The following DPYD variants were observed in gnomAD, a reference collection of about 807,000 sequenced individuals.
DPYD encodes the protein dihydropyrimidine dehydrogenase, also known as dihydropyrimidine dehydrogenase [NADP(+)].
A neutral mutation model predicts 116.2 loss-of-function variants in DPYD; 109 were observed. That is an observed-to-expected ratio of 0.94 (90% CI 0.80 to 1.10). The LOEUF is 1.10. DPYD is among the 50% of genes least tolerant of loss of function. The probability of loss-of-function intolerance (pLI) is 0.00; values close to 1 mark genes in which losing one functional copy is unlikely to be tolerated. For synonymous variants in DPYD, 440 were observed against 432.0 expected (o/e 1.02, Z -0.23); for missense variants, 1,302 against 1,254.5 (o/e 1.04, Z -0.57).
chr1:97,544,027 T>C (rs959799929), intron 12 of DPYD, among the ~76,000 whole-genome samples: 1 of 152,152 alleles, frequency 6.6e-6, no homozygotes, highest in African/African-American at 2.4e-5. Context: ...CAAATCAGCA[T>C]CTCAAAGCTA....
chr1:97,279,308 C>G (rs1184502394), intron 18 of DPYD, among the ~76,000 whole-genome samples: 1 of 151,972 alleles, frequency 6.6e-6, no homozygotes, highest in Non-Finnish European at 1.5e-5. Flanking sequence ...AAAAAAAGAA[C>G]ATTCAACATG....
intron 18 of DPYD, among the ~76,000 whole-genome samples, chr1:97,242,050 A>G (rs1347404963): frequency 6.9e-6 from 1 of 145,852 alleles, no homozygotes; most frequent in Non-Finnish European, 1.5e-5. Flanking sequence ...AGTCTATGGT[A>G]GTAAATGTGT....
chr1:97,599,234 G>C lies in DPYD; in HGVS notation c.851-4068C>G, dbSNP rs141764106. Among the ~76,000 whole-genome samples, 607 of 152,208 alleles carry C rather than the reference G, an allele frequency of 4.0e-3. 4 individuals carry two copies. The highest frequency in any genetic ancestry group is 6.8e-3 in the Non-Finnish European group (465 of 67,996). On this transcript the variant is annotated intron_variant, in intron 8 of 22. Transcript: ENST00000370192. ...ATATCCTGGTTATTTTTCACTATTT[G>C]ATATTCTTTGAAATGTGTATCCTTG...
chr1:97,568,714 T>G (rs566112701), intron 11 of DPYD, among the ~76,000 whole-genome samples: 1 of 151,942 alleles, frequency 6.6e-6, no homozygotes, highest in Non-Finnish European at 1.5e-5. Flanking sequence ...CGAAGAAAAA[T>G]AAACCAAGCA....
intron 6 of DPYD, among the ~76,000 whole-genome samples, chr1:97,696,154 G>GA (rs111924138): frequency 0.096 from 13,863 of 144,768 alleles, 721 homozygotes; most frequent in Middle Eastern, 0.11. Flanking sequence ...AAAAAGAAAA[G>GA]AAAAAAAGAA....
rs1218005686 is a variant in DPYD, at chr1:97,882,055, T to G, written c.150+1209A>C. 2.6e-5 allele frequency among the ~76,000 whole-genome samples: 4 copies of G among 151,766 alleles called. No individual in the cohort carries two copies. In the South Asian group the frequency reaches 8.3e-4, roughly 31 times the overall value. ...AAACTATAATAAAAAAATTATATGA[T>G]TCTTTTTTCAGTGTTATTCAATTGC... On this transcript the variant is annotated intron_variant, in intron 2 of 22. Transcript: ENST00000370192.
chr1:97,449,743 C>A (rs1055696673), intron 14 of DPYD, among the ~76,000 whole-genome samples: 2 of 152,092 alleles, frequency 1.3e-5, no homozygotes, highest in African/African-American at 4.8e-5. Context: ...AAGGTCATCA[C>A]CTTCATAAAT....
chr1:97,695,260 A>AT (rs1661233411), intron 6 of DPYD, among the ~76,000 whole-genome samples: 1 of 151,720 alleles, frequency 6.6e-6, no homozygotes, highest in African/African-American at 2.4e-5. Context: ...TGTTTTAATC[A>AT]TTTTTTGTTT....
At chr1:97,410,783 GA>G (rs1235768898) in intron 14 of DPYD, among the ~76,000 whole-genome samples, 1 of 152,078 alleles carries the variant, frequency 6.6e-6, no homozygotes, top group East Asian at 1.9e-4. Context: ...CAAAATGCTA[GA>G]AAATTCACCA....
chr1:97,487,104 T>C (rs974857579), intron 13 of DPYD, among the ~76,000 whole-genome samples: 1 of 152,200 alleles, frequency 6.6e-6, no homozygotes, highest in Non-Finnish European at 1.5e-5. Context: ...TAAACATGGA[T>C]ATTTATTTAT....
chr1:97,478,254 C>T (rs1032752708), intron 13 of DPYD, among the ~76,000 whole-genome samples: 6 of 152,206 alleles, frequency 3.9e-5, no homozygotes, highest in African/African-American at 9.6e-5. Flanking sequence ...TTAAAGAGTA[C>T]AGGTAGAGTA....
At chr1:97,318,047 A>G (rs1667971899) in intron 16 of DPYD, among the ~76,000 whole-genome samples, 1 of 148,618 alleles carries the variant, frequency 6.7e-6, no homozygotes, top group South Asian at 2.2e-4. Flanking sequence ...TTTTGTCACC[A>G]CCAGGCCTGC....
chr1:97,899,891 G>A (rs1673276217), intron 1 of DPYD, among the ~76,000 whole-genome samples: 1 of 151,920 alleles, frequency 6.6e-6, no homozygotes, highest in South Asian at 2.1e-4. Flanking sequence ...AATTATACAT[G>A]GATAGGCCTT....
intron 16 of DPYD, among the ~76,000 whole-genome samples, chr1:97,354,402 G>A (rs144086261): frequency 1.1e-4 from 16 of 151,966 alleles, no homozygotes; most frequent in South Asian, 2.1e-4. Flanking sequence ...ATAGTAAAAC[G>A]CAAAATGCAA....
At chr1:97,264,374 T>G (rs1664093771) in intron 18 of DPYD, among the ~76,000 whole-genome samples, 1 of 151,620 alleles carries the variant, frequency 6.6e-6, no homozygotes, top group Non-Finnish European at 1.5e-5. Context: ...TTAGTAGAGA[T>G]GAGGTCTTGC....
At chr1:97,851,112 T>C (rs1670546520) in intron 2 of DPYD, among the ~76,000 whole-genome samples, 1 of 151,976 alleles carries the variant, frequency 6.6e-6, no homozygotes, top group Admixed American at 6.6e-5. Context: ...GGAGATATTA[T>C]TTGAAGAACA....
intron 2 of DPYD, among the ~76,000 whole-genome samples, chr1:97,862,408 T>C (rs963168316): frequency 1.3e-5 from 2 of 151,624 alleles, no homozygotes; most frequent in Non-Finnish European, 3.0e-5. Context: ...GAGAAAAGCA[T>C]AGAGAAAAAA....
At chr1:97,389,864 C>A (rs377001512) in intron 14 of DPYD, among the ~76,000 whole-genome samples, 103 of 142,482 alleles carry the variant, frequency 7.2e-4, no homozygotes, top group African/African-American at 6.8e-4. Flanking sequence ...GCTTATTTGG[C>A]AAAAAAAAAA....
intron 14 of DPYD, among the ~76,000 whole-genome samples, chr1:97,385,320 A>T (rs1321713128): frequency 6.4e-5 from 7 of 109,704 alleles, no homozygotes; most frequent in Admixed American, 4.2e-4. Flanking sequence ...AAAAAAAAAG[A>T]GAGAGAGAGA....
Sources: allele counts gnomAD v4.1 joint callset (sites outside exome capture counted in the v4.1 genomes callset), GRCh38; gene constraint gnomAD v4.1.1; transcripts MANE v1.5; gene names NCBI Gene and HGNC (gene_info 2026-07-23, HGNC 2026-07-21).